SEPTIN2: variants seen among roughly 807,000 people sequenced by gnomAD.
The protein encoded by SEPTIN2 is septin 2.
A neutral mutation model predicts 46.5 loss-of-function variants in SEPTIN2; 34 were observed. The observed-to-expected ratio is 0.73, with a 90% CI of 0.56 to 0.97. The LOEUF (loss-of-function observed/expected upper bound fraction) is 0.97. Among genes scored for constraint, SEPTIN2 ranks in the 50% least tolerant of loss-of-function variants. The pLI is 0.00. For missense variants in SEPTIN2, 347 were observed against 448.4 expected, an observed-to-expected ratio of 0.77 and a Z score of 2.04; for synonymous variants, 175 against 153.4, an observed-to-expected ratio of 1.14 and a Z score of -1.04.
At chr2:241,341,379 C>A (rs1001219915) in intron 7 of SEPTIN2, among the ~76,000 whole-genome samples, 5 of 148,050 alleles carry the variant, frequency 3.4e-5, no homozygotes, top group African/African-American at 1.2e-4. Flanking sequence ...CTCCTCTGCT[C>A]ACTTTTAAAT....
intron 1 of SEPTIN2, among the ~76,000 whole-genome samples, chr2:241,323,675 A>G (rs1420037460): frequency 1.3e-5 from 2 of 152,230 alleles, no homozygotes; most frequent in Non-Finnish European, 2.9e-5. Flanking sequence ...TGATTCAGTT[A>G]AAAGAATTCA....
At chr2:241,336,668 T>C (rs2080046568) in intron 5 of SEPTIN2, 1 of 171,718 alleles carries the variant, frequency 5.8e-6, no homozygotes, top group African/African-American at 2.4e-5. Context: ...TTCTCCCTTC[T>C]TACATGTGAA....
intron 9 of SEPTIN2, 76 bp downstream of exon 9, chr2:241,343,973 C>T: frequency 1.3e-6 from 2 of 1,539,204 alleles, no homozygotes; most frequent in Non-Finnish European, 1.8e-6. Flanking sequence ...GTACACTTGG[C>T]CCCCAAGATA....
chr2:241,349,770 G>A (rs187352978), intron 11 of SEPTIN2, among the ~76,000 whole-genome samples: 50 of 152,136 alleles, frequency 3.3e-4, no homozygotes, highest in African/African-American at 7.0e-4. Flanking sequence ...GCAGTGAGCC[G>A]AGATTGCGCC....
intron 3 of SEPTIN2, among the ~76,000 whole-genome samples, chr2:241,332,479 C>A (rs1384737852): frequency 2.0e-5 from 3 of 152,156 alleles, no homozygotes; most frequent in African/African-American, 4.8e-5. Context: ...TGCCACTACC[C>A]AGCCACTAAG....
chr2:241,336,399 T>G (rs1419041962), intron 5 of SEPTIN2: 2 of 329,788 alleles, frequency 6.1e-6, no homozygotes, highest in Non-Finnish European at 1.1e-5. Flanking sequence ...ACATCCTTTC[T>G]ATGTGGAAGG....
chr2:241,353,235 T>C lies in SEPTIN2; in HGVS notation c.*1298T>C, dbSNP rs1176433839. 1 of 152,292 alleles carries C rather than the reference T, an allele frequency of 6.6e-6. No homozygotes were observed. Among genetic ancestry groups the C allele is most frequent in the African/African-American group, 2.4e-5 (1 of 41,474 alleles). 9.4% of individuals were successfully genotyped at this position (152,292 alleles called of 1,614,324 possible). A position where few individuals can be genotyped will look rare whatever the true frequency, so the allele number is the denominator to read the frequency against. ...GACATTTCAAATCTGTAGCATAGGC[T>C]AGTGGGCAGGTCCGCACAGTCGAAG... On this transcript the variant is annotated 3_prime_UTR_variant, in exon 13 of 13. Coordinates refer to ENST00000391971, the MANE Select transcript of SEPTIN2 (RefSeq NM_004404.5).
intron 1 of SEPTIN2, among the ~76,000 whole-genome samples, chr2:241,322,911 A>G (rs1021652085): frequency 6.6e-6 from 1 of 152,158 alleles, no homozygotes; most frequent in Non-Finnish European, 1.5e-5. Flanking sequence ...TGTGTATCCC[A>G]TTTGTGTCCC....
At chr2:241,316,592 G>T in intron 1 of SEPTIN2, 1 of 1,416,624 alleles carries the variant, frequency 7.1e-7, no homozygotes, top group South Asian at 1.4e-5. Flanking sequence ...TATAGGGTTG[G>T]AGGCCGCCGA....
At position 241,331,173 on chromosome 2, in the gene SEPTIN2, C is replaced by T. The variant is rs970634413; in HGVS notation, c.131-3953C>T. ...CAGCCTGCATGACAGAGCGAGACTC[C>T]GTCTCAAAAAAAACAAAAGAAAAAA... On this transcript the variant is annotated intron_variant, in intron 3 of 12. Coordinates refer to ENST00000391971, the MANE Select transcript of SEPTIN2 (RefSeq NM_004404.5). 5.9e-5 allele frequency among the ~76,000 whole-genome samples: 9 copies of T among 151,764 alleles called. 1 individual carries two copies. The highest frequency in any genetic ancestry group is 2.0e-4 in the Admixed American group (3 of 15,252).
Position 241,343,998 on chromosome 2 carries a change from C to T in SEPTIN2, c.842+101C>T, listed in dbSNP as rs978143963. On this transcript the variant is annotated intron_variant, in intron 9 of 12. Coordinates refer to ENST00000391971, the MANE Select transcript of SEPTIN2 (RefSeq NM_004404.5). ...CCCCCAAGATAGTTGCAGCCAGCAGCTTCATTGCCGCCCTCAGTGTTTCTC... is the reference window on the plus strand; with the variant it reads ...CCCCCAAGATAGTTGCAGCCAGCAGTTTCATTGCCGCCCTCAGTGTTTCTC... The T allele has an allele frequency of 5.2e-5, 71 of 1,368,250 alleles. No homozygotes were observed. The Middle Eastern group carries it at 5.5e-4, about 11-fold the overall frequency. 84.8% of individuals were successfully genotyped at this position (1,368,250 alleles called of 1,614,324 possible). A position where few individuals can be genotyped will look rare whatever the true frequency, so the allele number is the denominator to read the frequency against.
rs774931241 is a variant in SEPTIN2, at chr2:241,326,127, CTA to C, written c.130+17_130+18del. 6.2e-7 allele frequency: 1 copy of C among 1,608,722 alleles called. No individual in the cohort carries two copies. The highest frequency in any genetic ancestry group is 1.1e-5 in the South Asian group (1 of 90,242). On this transcript the variant is annotated intron_variant, in intron 3 of 12. Transcript: ENST00000391971. ...TGATGGTGGTCGGTAAGAAATTAAT[CTA>C]TAGTCTCCAACTTACTAAATAAATA... is the stretch of plus-strand genomic sequence containing the variant.
At chr2:241,336,706 A>G (rs2080056255) in intron 5 of SEPTIN2, 1 of 170,744 alleles carries the variant, frequency 5.9e-6, no homozygotes, top group African/African-American at 2.4e-5. Context: ...CAGCTCAGTT[A>G]AATGCTGTTT....
intron 7 of SEPTIN2, among the ~76,000 whole-genome samples, chr2:241,339,250 G>A (rs949130445): frequency 2.7e-5 from 4 of 150,892 alleles, no homozygotes; most frequent in Admixed American, 6.7e-5. Flanking sequence ...AAAGTTAGCC[G>A]GGCGTGGTGG....
intron 1 of SEPTIN2, among the ~76,000 whole-genome samples, chr2:241,323,033 T>C (rs1011347659): frequency 1.3e-5 from 2 of 152,152 alleles, no homozygotes; most frequent in Non-Finnish European, 2.9e-5. Flanking sequence ...AAAATTTTTT[T>C]AATTTTTTAA....
intron 3 of SEPTIN2, among the ~76,000 whole-genome samples, chr2:241,328,492 C>G (rs1412759475): frequency 6.6e-6 from 1 of 151,862 alleles, no homozygotes; most frequent in East Asian, 1.9e-4. Flanking sequence ...ATCACAGCAT[C>G]TTGGGAGGCT....
chr2:241,344,778 G>T (rs1413131137), intron 9 of SEPTIN2, among the ~76,000 whole-genome samples: 1 of 152,080 alleles, frequency 6.6e-6, no homozygotes, highest in Admixed American at 6.6e-5. Flanking sequence ...TGAAAAAAGA[G>T]GCTGAGGCCG....
intron 7 of SEPTIN2, among the ~76,000 whole-genome samples, chr2:241,341,649 G>T (rs763940756): frequency 6.6e-6 from 1 of 152,156 alleles, no homozygotes; most frequent in Non-Finnish European, 1.5e-5. Flanking sequence ...TAGAGAGGAG[G>T]GCCTTTTCTG....
intron 1 of SEPTIN2, among the ~76,000 whole-genome samples, chr2:241,322,484 G>A (rs536230887): frequency 1.3e-5 from 2 of 151,942 alleles, no homozygotes; most frequent in South Asian, 2.1e-4. Flanking sequence ...GCGGGCGCCT[G>A]TAGTCCCAGC....
Sources: gnomAD v4.1 joint callset for allele counts (sites outside exome capture counted in the v4.1 genomes callset) on GRCh38, gnomAD v4.1.1 for gene constraint, MANE v1.5 for transcripts, NCBI Gene and HGNC (gene_info 2026-07-23, HGNC 2026-07-21) for gene names.